Variants in CRACDL observed in about 807,000 individuals in gnomAD.
The protein encoded by CRACDL is CRACD like.
Under a neutral mutation model 70.6 loss-of-function variants are expected in CRACDL, and 26 were observed. The ratio of observed to expected loss-of-function variants is 0.37; its 90% CI spans 0.27 to 0.51. CRACDL has a LOEUF of 0.51. CRACDL is among the 20% of genes least tolerant of loss of function. The pLI is 0.94. For synonymous variants in CRACDL, 618 were observed against 615.2 expected (o/e 1.00, Z -0.07); for missense variants, 1,283 against 1,376.9 (o/e 0.93, Z 1.08).
At chr2:98,833,495 G>T (rs879065771) in intron 3 of CRACDL, among the ~76,000 whole-genome samples, 1 of 152,200 alleles carries the variant, frequency 6.6e-6, no homozygotes, top group Non-Finnish European at 1.5e-5. Flanking sequence ...TCCGTGGGTG[G>T]TTTGAAATGA....
chr2:98,820,193 T>A (rs919213896), intron 7 of CRACDL, among the ~76,000 whole-genome samples: 1 of 152,026 alleles, frequency 6.6e-6, no homozygotes, highest in South Asian at 2.1e-4. Flanking sequence ...ACACAACTTA[T>A]TTGTGTAGTT....
intron 1 of CRACDL, among the ~76,000 whole-genome samples, chr2:98,913,241 G>T (rs1708585088): frequency 6.6e-6 from 1 of 152,208 alleles, no homozygotes; most frequent in Non-Finnish European, 1.5e-5. Context: ...GTCTGTGCAG[G>T]AGGCAGACAG....
intron 5 of CRACDL, among the ~76,000 whole-genome samples, chr2:98,829,877 G>C (rs1052672314): frequency 1.3e-5 from 2 of 152,190 alleles, no homozygotes; most frequent in East Asian, 3.9e-4. Flanking sequence ...CGCTGGTCCT[G>C]CTGGGAAGGA....
At chr2:98,796,085 T>C (rs200545950) in intron 9 of CRACDL, 35 bp downstream of exon 9, 587 of 1,595,678 alleles carry the variant, frequency 3.7e-4, no homozygotes, top group Non-Finnish European at 4.2e-4. Context: ...GGAAAATGAT[T>C]TCAAAGTATG....
chr2:98,883,178 T>C (rs750070267), intron 1 of CRACDL, among the ~76,000 whole-genome samples: 1 of 152,216 alleles, frequency 6.6e-6, no homozygotes, highest in Non-Finnish European at 1.5e-5. Context: ...GGATGTCTCA[T>C]ACAGTATTCT....
rs781258791 is a variant in CRACDL, at chr2:98,822,915, G to A, written c.1358C>T (p.Pro453Leu). 44 of 1,473,760 alleles carry A rather than the reference G, an allele frequency of 3.0e-5. No individual in the cohort carries two copies. The African/African-American group carries it at 5.7e-4, about 19-fold the overall frequency. 91.3% of individuals were successfully genotyped at this position (1,473,760 alleles called of 1,614,324 possible). A position where few individuals can be genotyped will look rare whatever the true frequency, so the allele number is the denominator to read the frequency against. The change falls in exon 7 of 10, where the codon CCC becomes CTC. Residue 453 changes from proline (P) to leucine (L), a missense_variant. Physicochemically the swap from Pro to Leu is moderately conservative, Grantham distance 98. Coordinates refer to ENST00000397899, the MANE Select transcript of CRACDL (RefSeq NM_207362.3). The surrounding 1 kb of genome is among the most constrained non-coding windows in gnomAD (Gnocchi z 4.9). ...CTCGGGCTCAGGCGCCGGCCCTGGG[G>A]GCCCCTTCTCCTCATCCGGGAGCAC... ...PPVLPDEEKG[P>L]PGPAPEPERE...
chr2:98,887,377 A>C (rs1230097425), intron 1 of CRACDL, among the ~76,000 whole-genome samples: 2 of 152,058 alleles, frequency 1.3e-5, no homozygotes, highest in African/African-American at 4.8e-5. Flanking sequence ...AGTCCCAACT[A>C]CTCAGGAGGC....
At position 98,823,288 on chromosome 2, in the gene CRACDL, C is replaced by A; in HGVS notation, c.985G>T (p.Gly329Trp). 7.0e-7 allele frequency: 1 copy of A among 1,419,224 alleles called. No homozygotes were observed. The highest frequency in any genetic ancestry group is 9.1e-7 in the Non-Finnish European group (1 of 1,097,556). The allele number at this position is 1,419,224 out of a possible 1,614,324, so 87.9% of individuals were successfully genotyped here. A position where few individuals can be genotyped will look rare whatever the true frequency, so the allele number is the denominator to read the frequency against. The change falls in exon 7 of 10, where the codon GGG (glycine) becomes TGG (tryptophan). Residue 329 changes from glycine (G) to tryptophan (W), a missense_variant. Around this residue, in one of 2 missense-constraint regions of CRACDL, gnomAD observed 362 missense variants for 495.0 expected, o/e 0.73. Transcript: ENST00000397899. This position sits in a 1 kb window ranked among gnomAD's most constrained non-coding sequence, Gnocchi z 4.0. ...TASVEEGGVPGEDPSSRPATP... is the reference protein window; with the variant it reads ...TASVEEGGVPWEDPSSRPATP... ...GCCGGGCGGCTTGAGGGGTCCTCCCCGGGGACGCCCCCCTCCTCCACGCTG... is the reference window on the plus strand; with the variant it reads ...GCCGGGCGGCTTGAGGGGTCCTCCCAGGGGACGCCCCCCTCCTCCACGCTG...
At chr2:98,817,326 T>C (rs1213882715) in intron 7 of CRACDL, among the ~76,000 whole-genome samples, 1 of 152,204 alleles carries the variant, frequency 6.6e-6, no homozygotes, top group Non-Finnish European at 1.5e-5. Context: ...TTGTACATTT[T>C]AAAATTTAAG....
intron 1 of CRACDL, among the ~76,000 whole-genome samples, chr2:98,900,637 G>T (rs562333259): frequency 6.6e-6 from 1 of 152,244 alleles, no homozygotes; most frequent in East Asian, 1.9e-4. Context: ...GTGCAGGTGT[G>T]TGTGCATGCG....
At chr2:98,862,969 TTACATTTA>T (rs1011336465) in intron 1 of CRACDL, among the ~76,000 whole-genome samples, 1 of 152,138 alleles carries the variant, frequency 6.6e-6, no homozygotes, top group Non-Finnish European at 1.5e-5. Flanking sequence ...TATATACATT[TTACATTTA>T]TACATTTATT....
chr2:98,820,791 A>G (rs1704993956), intron 7 of CRACDL, among the ~76,000 whole-genome samples: 1 of 152,192 alleles, frequency 6.6e-6, no homozygotes, highest in African/African-American at 2.4e-5. Flanking sequence ...GACCCTCTTG[A>G]GAGACTTACG....
At chr2:98,891,881 G>A (rs1177171754) in intron 1 of CRACDL, among the ~76,000 whole-genome samples, 1 of 152,148 alleles carries the variant, frequency 6.6e-6, no homozygotes, top group Non-Finnish European at 1.5e-5. Context: ...TTATAAAGAG[G>A]TCCTATAAAG....
intron 1 of CRACDL, among the ~76,000 whole-genome samples, chr2:98,886,738 G>T (rs1707806494): frequency 1.3e-5 from 2 of 152,152 alleles, no homozygotes; most frequent in Non-Finnish European, 2.9e-5. Flanking sequence ...TACAGAATTA[G>T]TTCAGAAAAG....
At chr2:98,918,681 T>TGA (rs1708728137) in intron 1 of CRACDL, among the ~76,000 whole-genome samples, 1 of 152,118 alleles carries the variant, frequency 6.6e-6, no homozygotes, top group Admixed American at 6.5e-5. Context: ...ATTTCTCTAA[T>TGA]GATTAGTGAT....
In CRACDL at chr2:98,832,842, A is replaced by T. The variant is rs149533521; in HGVS notation, c.375+20T>A. On this transcript the variant is annotated intron_variant, in intron 4 of 9. Coordinates refer to ENST00000397899, the MANE Select transcript of CRACDL (RefSeq NM_207362.3). ...ATATTTGACTTGCACACCAGGCGAC[A>T]TGACCAAGGAAACATTTACCTGCAG... 13 of 1,613,072 alleles carry T rather than the reference A, an allele frequency of 8.1e-6. No homozygotes were observed. In the East Asian group the frequency reaches 2.7e-4, roughly 33 times the overall value.
intron 2 of CRACDL, among the ~76,000 whole-genome samples, chr2:98,839,162 G>A (rs1256349359): frequency 6.6e-6 from 1 of 152,058 alleles, no homozygotes; most frequent in African/African-American, 2.4e-5. Context: ...AAAAAACCCA[G>A]GATCTTTCTG....
intron 1 of CRACDL, among the ~76,000 whole-genome samples, chr2:98,907,074 C>T (rs576808621): frequency 6.6e-6 from 1 of 152,182 alleles, no homozygotes; most frequent in African/African-American, 2.4e-5. Flanking sequence ...GGTTGATCAC[C>T]TGAGGTCAGG....
chr2:98,794,784 C>G, intron 9 of CRACDL, 113 bp from the exon 10 acceptor site: 1 of 776,092 alleles, frequency 1.3e-6, no homozygotes, highest in Non-Finnish European at 2.0e-6. Flanking sequence ...TGTTCTCGAA[C>G]ATAAAATTCA....
Sources: allele counts gnomAD v4.1 joint callset (sites outside exome capture counted in the v4.1 genomes callset), GRCh38; gene constraint gnomAD v4.1.1; regional missense constraint gnomAD v4.1.1; non-coding constraint Gnocchi (gnomAD v3.1); transcripts MANE v1.5; gene names NCBI Gene and HGNC (gene_info 2026-07-23, HGNC 2026-07-21).